MCTP1: variants seen among roughly 807,000 people sequenced by gnomAD.
MCTP1 encodes multiple C2 and transmembrane domain-containing protein 1.
Under a neutral mutation model 120.6 loss-of-function variants are expected in MCTP1, and 69 were observed. That is an observed-to-expected ratio of 0.57 (90% CI 0.47 to 0.70). MCTP1 has a LOEUF of 0.70. Ranked by LOEUF, MCTP1 falls within the 30% of genes least tolerant of loss-of-function variation. The pLI, the probability that MCTP1 is intolerant of heterozygous loss-of-function variation, is 0.00. For synonymous variants in MCTP1, 529 were observed against 493.1 expected (o/e 1.07, Z -0.96); for missense variants, 1,203 against 1,248.8 (o/e 0.96, Z 0.55).
intron 10 of MCTP1, among the ~76,000 whole-genome samples, chr5:94,905,957 T>G (rs10039473): frequency 0.18 from 27,075 of 151,802 alleles, 3,135 homozygotes; most frequent in African/African-American, 0.33. Context: ...AGAAAGAGCA[T>G]GCAGTGAGGT....
intron 1 of MCTP1, among the ~76,000 whole-genome samples, chr5:95,102,329 C>T (rs376286957): frequency 2.0e-5 from 3 of 152,194 alleles, no homozygotes; most frequent in Non-Finnish European, 4.4e-5. Flanking sequence ...AAGCTCACTG[C>T]GGCTGCATGA....
chr5:94,705,024 A>T lies in MCTP1; in HGVS notation c.*2472T>A, dbSNP rs1168029002. On this transcript the variant is annotated 3_prime_UTR_variant, in exon 23 of 23. Coordinates refer to ENST00000515393, the MANE Select transcript of MCTP1 (RefSeq NM_024717.7). ...TCAGTAATAGTTTATGAATATAAAT[A>T]ATGACTCAGTGAATTTACTCACTAA... is the stretch of plus-strand genomic sequence containing the variant. 1.3e-5 allele frequency: 2 copies of T among 151,326 alleles called. No individual in the cohort carries two copies. Among genetic ancestry groups the T allele is most frequent in the Non-Finnish European group, 3.0e-5 (2 of 67,586 alleles). 9.4% of individuals were successfully genotyped at this position (151,326 alleles called of 1,614,324 possible).
At chr5:94,934,207 T>C (rs1015365021) in intron 5 of MCTP1, among the ~76,000 whole-genome samples, 1 of 151,604 alleles carries the variant, frequency 6.6e-6, no homozygotes, top group Non-Finnish European at 1.5e-5. Flanking sequence ...GAAAATTTAA[T>C]ATATATACTA....
chr5:94,969,976 G>T (rs572549496), intron 2 of MCTP1, among the ~76,000 whole-genome samples: 2 of 151,794 alleles, frequency 1.3e-5, no homozygotes, highest in Non-Finnish European at 2.9e-5. Flanking sequence ...AAATGCAAGA[G>T]GTTTATAATC....
intron 1 of MCTP1, among the ~76,000 whole-genome samples, chr5:95,095,034 T>A (rs1454529381): frequency 1.7e-5 from 2 of 115,184 alleles, no homozygotes; most frequent in Non-Finnish European, 3.5e-5. Context: ...TTTTTTTTTT[T>A]TTTTTTTGAG....
At chr5:95,136,823 A>C (rs1005908522) in intron 1 of MCTP1, among the ~76,000 whole-genome samples, 3 of 152,256 alleles carry the variant, frequency 2.0e-5, no homozygotes, top group Non-Finnish European at 4.4e-5. Flanking sequence ...AAGGCAGAGC[A>C]ATAGTCACTA....
chr5:95,015,338 C>G (rs550547380), intron 2 of MCTP1, among the ~76,000 whole-genome samples: 9 of 151,976 alleles, frequency 5.9e-5, no homozygotes, highest in African/African-American at 1.4e-4. Flanking sequence ...ATGGGTTCCT[C>G]CCACATCCTG....
At chr5:94,709,480 C>A (rs1025812881) in intron 21 of MCTP1, 1 of 152,064 alleles carries the variant, frequency 6.6e-6, no homozygotes, top group Non-Finnish European at 1.5e-5. Context: ...CCTGGGAGAA[C>A]AGGGCATTCA....
chr5:95,082,425 T>C (rs1405726481), intron 1 of MCTP1, among the ~76,000 whole-genome samples: 3 of 152,166 alleles, frequency 2.0e-5, no homozygotes, highest in African/African-American at 4.8e-5. Context: ...TAGACATAGA[T>C]GCTTGGAGAA....
At chr5:95,231,060 T>C (rs1754882383) in intron 1 of MCTP1, among the ~76,000 whole-genome samples, 1 of 152,214 alleles carries the variant, frequency 6.6e-6, no homozygotes, top group Non-Finnish European at 1.5e-5. Flanking sequence ...AGGGACAATA[T>C]TGTTTTCAGT....
chr5:95,083,491 G>C (rs181542268), intron 1 of MCTP1, among the ~76,000 whole-genome samples: 9 of 152,312 alleles, frequency 5.9e-5, no homozygotes, highest in African/African-American at 1.7e-4. Context: ...CAGGGGTCAA[G>C]GATGGGCATG....
intron 12 of MCTP1, among the ~76,000 whole-genome samples, chr5:94,876,538 T>G (rs1019951340): frequency 6.6e-6 from 1 of 152,166 alleles, no homozygotes; most frequent in African/African-American, 2.4e-5. Flanking sequence ...TTTGAGAGCC[T>G]AAATATATGA....
chr5:95,030,874 T>C (rs1283040523), intron 1 of MCTP1, among the ~76,000 whole-genome samples: 1 of 151,802 alleles, frequency 6.6e-6, no homozygotes, highest in African/African-American at 2.4e-5. Context: ...GCAAGGAAAC[T>C]CAGTGATATC....
intron 1 of MCTP1, among the ~76,000 whole-genome samples, chr5:95,040,650 C>A (rs1049739174): frequency 1.3e-5 from 2 of 152,072 alleles, no homozygotes; most frequent in African/African-American, 4.8e-5. Flanking sequence ...ACCCCAGTTT[C>A]CTCTTCATAA....
chr5:95,084,351 C>T (rs1007562893), intron 1 of MCTP1, among the ~76,000 whole-genome samples: 1 of 152,102 alleles, frequency 6.6e-6, no homozygotes, highest in African/African-American at 2.4e-5. Flanking sequence ...TGATGATGCT[C>T]TTTTCTGTCC....
intron 2 of MCTP1, among the ~76,000 whole-genome samples, chr5:94,987,913 C>T (rs1351303335): frequency 6.6e-6 from 1 of 152,096 alleles, no homozygotes; most frequent in Non-Finnish European, 1.5e-5. Context: ...ATTCTGTTTG[C>T]CTTGGACTTT....
At chr5:95,136,950 T>C (rs530549520) in intron 1 of MCTP1, among the ~76,000 whole-genome samples, 1 of 152,324 alleles carries the variant, frequency 6.6e-6, no homozygotes, top group East Asian at 1.9e-4. Context: ...AAATTATATT[T>C]TGTAAAGGTT....
chr5:94,790,234 A>G (rs1390037636), intron 18 of MCTP1, among the ~76,000 whole-genome samples: 1 of 152,240 alleles, frequency 6.6e-6, no homozygotes, highest in Non-Finnish European at 1.5e-5. Flanking sequence ...AGGTGAACCC[A>G]AAGTGCATAA....
Position 94,703,829 on chromosome 5 carries a change from T to C in MCTP1, c.*3667A>G, listed in dbSNP as rs1257014859. The C allele has an allele frequency of 6.6e-6, 1 of 151,396 alleles. No individual in the cohort carries two copies. Among genetic ancestry groups the C allele is most frequent in the African/African-American group, 2.4e-5 (1 of 41,344 alleles). 9.4% of individuals were successfully genotyped at this position (151,396 alleles called of 1,614,324 possible). A position where few individuals can be genotyped will look rare whatever the true frequency, so the allele number is the denominator to read the frequency against. On this transcript the variant is annotated 3_prime_UTR_variant, in exon 23 of 23. Transcript: ENST00000515393. ...CTACATTGTATGATTGCTTTGGACA[T>C]TTGATAGTTTTTATTTGCATACTAT... is the stretch of plus-strand genomic sequence containing the variant.
Sources: gnomAD v4.1 joint callset for allele counts (sites outside exome capture counted in the v4.1 genomes callset) on GRCh38, gnomAD v4.1.1 for gene constraint, MANE v1.5 for transcripts, NCBI Gene and HGNC (gene_info 2026-07-23, HGNC 2026-07-21) for gene names.